Variants in HEG1 observed in about 807,000 individuals in gnomAD.
HEG1 encodes the protein protein HEG homolog 1.
HEG1 carries 56 observed loss-of-function variants against 125.6 expected under a neutral mutation model. The ratio of observed to expected loss-of-function variants is 0.45; its 90% CI spans 0.36 to 0.56. HEG1 has a LOEUF of 0.56. Ranked by LOEUF, HEG1 falls within the 20% of genes least tolerant of loss-of-function variation. The probability of loss-of-function intolerance (pLI) is 0.00; values close to 1 mark genes in which losing one functional copy is unlikely to be tolerated. For missense variants in HEG1, 1,523 were observed against 1,670.0 expected, an observed-to-expected ratio of 0.91 and a Z score of 1.53; for synonymous variants, 644 against 668.5, an observed-to-expected ratio of 0.96 and a Z score of 0.57.
rs200404898 is a variant in HEG1, at chr3:124,977,952, C to T, written c.3734-6G>A. ...CACAGTGATAAGCTGATAGGCTAAACGTAAAACAAACAAAAAAGCATATTG... is the reference window on the plus strand; with the variant it reads ...CACAGTGATAAGCTGATAGGCTAAATGTAAAACAAACAAAAAAGCATATTG... On this transcript the variant is annotated splice_region_variant and splice_polypyrimidine_tract_variant and intron_variant, in intron 14 of 16. Transcript: ENST00000311127. 753 of 1,554,362 alleles carry T rather than the reference C, an allele frequency of 4.8e-4. 1 individual carries two copies. Among genetic ancestry groups the T allele is most frequent in the Middle Eastern group, 8.9e-4 (5 of 5,638 alleles).
chr3:125,027,065 G>T, intron 3 of HEG1, 140 bp downstream of exon 3: 1 of 694,848 alleles, frequency 1.4e-6, no homozygotes, highest in Non-Finnish European at 2.3e-6. Flanking sequence ...CCAAGTACCT[G>T]GCATTAGAGG....
At chr3:125,019,900 AGAGT>A (rs1258678687) in intron 4 of HEG1, among the ~76,000 whole-genome samples, 1 of 152,178 alleles carries the variant, frequency 6.6e-6, no homozygotes, top group African/African-American at 2.4e-5. Context: ...AGTGTTCGAG[AGAGT>A]GAGTGTGTGG....
At chr3:125,000,554 C>T (rs1399785867) in intron 11 of HEG1, among the ~76,000 whole-genome samples, 1 of 152,038 alleles carries the variant, frequency 6.6e-6, no homozygotes. Flanking sequence ...GACCTTTCTA[C>T]CTCACTCCCC....
chr3:125,003,212 G>C (rs1363366889), intron 9 of HEG1, among the ~76,000 whole-genome samples: 1 of 152,214 alleles, frequency 6.6e-6, no homozygotes, highest in Non-Finnish European at 1.5e-5. Flanking sequence ...CTCAGCCAAT[G>C]ATGGATTAAT....
chr3:125,055,173 G>C (rs1674483475), intron 1 of HEG1, among the ~76,000 whole-genome samples: 1 of 152,178 alleles, frequency 6.6e-6, no homozygotes, highest in African/African-American at 2.4e-5. Flanking sequence ...AGATGAGAAA[G>C]TCGAGCCCTG....
intron 1 of HEG1, 54 bp downstream of exon 1, chr3:125,055,521 G>T: frequency 8.9e-7 from 1 of 1,118,160 alleles, no homozygotes; most frequent in Non-Finnish European, 1.1e-6. Context: ...CCCGGGGCGC[G>T]CCCACGCCCC....
chr3:125,030,333 T>C (rs1937480188), intron 1 of HEG1, among the ~76,000 whole-genome samples: 1 of 152,198 alleles, frequency 6.6e-6, no homozygotes, highest in African/African-American at 2.4e-5. Flanking sequence ...GAGGCAGCAA[T>C]TCCAAATTGA....
At chr3:125,012,565 G>A (rs148474116) in intron 6 of HEG1, 58 bp downstream of exon 6, 9 of 1,491,362 alleles carry the variant, frequency 6.0e-6, no homozygotes, top group Non-Finnish European at 8.2e-6. Context: ...GCCCCATGTA[G>A]CTCTCAGTGC....
At position 124,973,837 on chromosome 3, in the gene HEG1, T is replaced by A. The variant is rs377518908; in HGVS notation, c.3890A>T (p.Glu1297Val). 19 of 1,613,512 alleles carry A rather than the reference T, an allele frequency of 1.2e-5. No individual in the cohort carries two copies. Among genetic ancestry groups the A allele is most frequent in the Non-Finnish European group, 1.5e-5 (18 of 1,179,580 alleles). The change falls in exon 16 of 17, where the codon GAA (glutamate) becomes GTA (valine). Residue 1297 changes from glutamate (E) to valine (V), a missense_variant. By Grantham distance (121) the Glu-to-Val change is moderately radical. Transcript: ENST00000311127. ...TTGTGAGCGAGGATTTTTGGGGTAT[T>A]CAGCATACGGGGACATTTGGAAATC... ...SGDFQMSPYA[E>V]YPKNPRSQEW...
intron 1 of HEG1, among the ~76,000 whole-genome samples, chr3:125,052,478 G>C (rs775091862): frequency 6.6e-6 from 1 of 152,138 alleles, no homozygotes; most frequent in Non-Finnish European, 1.5e-5. Context: ...GCTACTCAGC[G>C]TCATTTCCCC....
chr3:125,045,778 A>G (rs1234697516), intron 1 of HEG1, among the ~76,000 whole-genome samples: 1 of 152,200 alleles, frequency 6.6e-6, no homozygotes, highest in East Asian at 1.9e-4. Flanking sequence ...CAGCACATGC[A>G]TGTTTACAAA....
At chr3:124,988,341 A>G (rs780087474) in intron 14 of HEG1, among the ~76,000 whole-genome samples, 23 of 152,252 alleles carry the variant, frequency 1.5e-4, no homozygotes, top group Non-Finnish European at 2.9e-4. Context: ...ACTGTTTTAC[A>G]TAAGCCAAAT....
intron 14 of HEG1, 113 bp from the exon 15 acceptor site, chr3:124,978,059 C>G: frequency 1.4e-6 from 1 of 690,490 alleles, no homozygotes; most frequent in Non-Finnish European, 2.4e-6. Context: ...TTGAGGGGTG[C>G]CCTCGCCTAC....
intron 3 of HEG1, among the ~76,000 whole-genome samples, chr3:125,026,595 C>T (rs1937418857): frequency 6.6e-6 from 1 of 151,956 alleles, no homozygotes; most frequent in African/African-American, 2.4e-5. Context: ...GTTTTCTTTA[C>T]CATCGAAGGA....
At chr3:125,027,548 T>G (rs1418110883) in intron 2 of HEG1, 41 bp from the exon 3 acceptor site, 1 of 1,519,510 alleles carries the variant, frequency 6.6e-7, no homozygotes, top group East Asian at 2.3e-5. Context: ...ACCAGCAGAC[T>G]TCAAAATGTC....
At chr3:124,995,053 C>A (rs1490613717) in intron 12 of HEG1, among the ~76,000 whole-genome samples, 134 of 152,228 alleles carry the variant, frequency 8.8e-4, no homozygotes, top group Non-Finnish European at 1.0e-4. Context: ...AATCCTAGCA[C>A]TTTGGGAGGC....
At chr3:124,995,925 A>C (rs1418857528) in intron 12 of HEG1, among the ~76,000 whole-genome samples, 1 of 152,126 alleles carries the variant, frequency 6.6e-6, no homozygotes, top group East Asian at 1.9e-4. Flanking sequence ...CCAGAAGCAA[A>C]GGTGATAGGG....
chr3:125,027,601 A>T, intron 2 of HEG1, 94 bp from the exon 3 acceptor site: 2 of 999,424 alleles, frequency 2.0e-6, no homozygotes, highest in Non-Finnish European at 2.9e-6. Context: ...TCTACAAAAT[A>T]TACAGACATA....
At chr3:125,006,895 T>C (rs1937077963) in intron 8 of HEG1, among the ~76,000 whole-genome samples, 1 of 152,186 alleles carries the variant, frequency 6.6e-6, no homozygotes. Context: ...ACCCAGACTC[T>C]CTGTATAGAA....
Sources: allele counts gnomAD v4.1 joint callset (sites outside exome capture counted in the v4.1 genomes callset), GRCh38; gene constraint gnomAD v4.1.1; transcripts MANE v1.5; gene names NCBI Gene and HGNC (gene_info 2026-07-23, HGNC 2026-07-21).